Variants in FCHSD2 observed in about 807,000 individuals in gnomAD.
The protein encoded by FCHSD2 is F-BAR and double SH3 domains protein 2.
A neutral mutation model predicts 108.1 loss-of-function variants in FCHSD2; 38 were observed. That is an observed-to-expected ratio of 0.35 (90% CI 0.27 to 0.46). The LOEUF is 0.46. Among genes scored for constraint, FCHSD2 ranks in the 20% least tolerant of loss-of-function variants. The pLI is 1.00. For missense variants in FCHSD2, 751 were observed against 897.8 expected (o/e 0.84, Z 2.09); for synonymous variants, 279 against 314.7 (o/e 0.89, Z 1.20).
intron 2 of FCHSD2, among the ~76,000 whole-genome samples, chr11:73,132,194 C>T (rs1861019615): frequency 6.6e-6 from 1 of 152,198 alleles, no homozygotes; most frequent in South Asian, 2.1e-4. Context: ...AAACAATGTG[C>T]TTCTTATAAT....
At chr11:72,923,168 A>C (rs537917130) in intron 8 of FCHSD2, among the ~76,000 whole-genome samples, 13 of 152,292 alleles carry the variant, frequency 8.5e-5, no homozygotes, top group African/African-American at 3.1e-4. Context: ...TTGTTTATTA[A>C]TCAGGTGATA....
At chr11:73,088,590 T>C (rs1859880125) in intron 2 of FCHSD2, among the ~76,000 whole-genome samples, 1 of 152,116 alleles carries the variant, frequency 6.6e-6, no homozygotes, top group Non-Finnish European at 1.5e-5. Context: ...AAACATATAA[T>C]GTTTGAAAAA....
At chr11:72,969,328 T>C (rs1856968202) in intron 8 of FCHSD2, among the ~76,000 whole-genome samples, 1 of 152,260 alleles carries the variant, frequency 6.6e-6, no homozygotes, top group Non-Finnish European at 1.5e-5. Context: ...TTTAAGTTAT[T>C]TATATCAGGA....
At chr11:73,104,481 G>T (rs1360790308) in intron 2 of FCHSD2, among the ~76,000 whole-genome samples, 2 of 152,058 alleles carry the variant, frequency 1.3e-5, no homozygotes, top group Non-Finnish European at 2.9e-5. Flanking sequence ...TGTTGGCCAG[G>T]GTGGTCTCAA....
intron 4 of FCHSD2, among the ~76,000 whole-genome samples, chr11:73,004,550 A>AG (rs1191578435): frequency 6.6e-6 from 1 of 151,958 alleles, no homozygotes; most frequent in Non-Finnish European, 1.5e-5. Flanking sequence ...CTCCCTTTTC[A>AG]GTTCATTACC....
At chr11:72,849,720 A>T in intron 14 of FCHSD2, 35 bp downstream of exon 14, 1 of 1,528,914 alleles carries the variant, frequency 6.5e-7, no homozygotes, top group Non-Finnish European at 9.0e-7. Flanking sequence ...AGAGTTAATC[A>T]GAATTTAATA....
chr11:73,029,479 C>T (rs1352355664), intron 3 of FCHSD2, among the ~76,000 whole-genome samples: 1 of 152,186 alleles, frequency 6.6e-6, no homozygotes, highest in Non-Finnish European at 1.5e-5. Flanking sequence ...CCATCTTTAT[C>T]CCTGGCCCAT....
At chr11:73,047,812 A>G (rs1351421639) in intron 3 of FCHSD2, among the ~76,000 whole-genome samples, 1 of 152,240 alleles carries the variant, frequency 6.6e-6, no homozygotes, top group Admixed American at 6.5e-5. Context: ...GAATTTACTC[A>G]GTAAATATTT....
chr11:73,141,878 G>A lies in FCHSD2; in HGVS notation c.-1C>T, dbSNP rs1157098379. ...TTACCTTCCTCGGCGGCGGCTGCAT[G>A]ATGCTGAAGGGACATCAATCCTCCC... On this transcript the variant is annotated 5_prime_UTR_variant, in exon 1 of 20. Coordinates refer to ENST00000409418, the MANE Select transcript of FCHSD2 (RefSeq NM_014824.3). The A allele has an allele frequency of 5.2e-6, 8 of 1,545,530 alleles. No individual in the cohort carries two copies. Among genetic ancestry groups the A allele is most frequent in the Non-Finnish European group, 6.1e-6 (7 of 1,146,198 alleles).
At chr11:73,081,435 A>G (rs1475361997) in intron 3 of FCHSD2, among the ~76,000 whole-genome samples, 1 of 152,204 alleles carries the variant, frequency 6.6e-6, no homozygotes, top group African/African-American at 2.4e-5. Flanking sequence ...CTCCATCTCA[A>G]TTAAATAAAT....
intron 8 of FCHSD2, among the ~76,000 whole-genome samples, chr11:72,950,779 C>T: frequency 6.6e-6 from 1 of 152,146 alleles, no homozygotes. Context: ...TATTTAGAGG[C>T]AGCACAGGTA....
At chr11:73,094,217 A>C (rs1316058928) in intron 2 of FCHSD2, among the ~76,000 whole-genome samples, 1 of 152,068 alleles carries the variant, frequency 6.6e-6, no homozygotes, top group Non-Finnish European at 1.5e-5. Flanking sequence ...GTCTCCCTGC[A>C]CCAAAAAAAA....
chr11:73,052,867 G>C (rs1197098071), intron 3 of FCHSD2, among the ~76,000 whole-genome samples: 1 of 152,008 alleles, frequency 6.6e-6, no homozygotes, highest in African/African-American at 2.4e-5. Flanking sequence ...TTCTTTTTGA[G>C]ATGGAGTCTC....
rs1242908568 is a variant in FCHSD2, at chr11:73,015,801, T to C, written c.242+8A>G. 1.9e-6 allele frequency: 3 copies of C among 1,575,232 alleles called. No individual in the cohort carries two copies. Among genetic ancestry groups the C allele is most frequent in the East Asian group, 4.6e-5 (2 of 43,844 alleles). The stretch of plus-strand genomic sequence containing the variant: ...TCTAAAGAAAATAGGCAAAAACTAC[T>C]AATTTACCTGTAATCATTCCGATCA... On this transcript the variant is annotated splice_region_variant and intron_variant, in intron 4 of 19. Transcript: ENST00000409418.
At chr11:73,016,183 G>A (rs1857968678) in intron 3 of FCHSD2, among the ~76,000 whole-genome samples, 1 of 151,720 alleles carries the variant, frequency 6.6e-6, no homozygotes, top group Non-Finnish European at 1.5e-5. Flanking sequence ...TGCGCCTGTA[G>A]TCCCAGCTAC....
intron 11 of FCHSD2, among the ~76,000 whole-genome samples, chr11:72,888,563 A>G (rs947781731): frequency 2.6e-5 from 4 of 152,134 alleles, no homozygotes; most frequent in Admixed American, 2.6e-4. Flanking sequence ...CTATACTCCA[A>G]ATAATTTCTT....
At chr11:73,054,505 A>C (rs1424316581) in intron 3 of FCHSD2, among the ~76,000 whole-genome samples, 1 of 152,154 alleles carries the variant, frequency 6.6e-6, no homozygotes, top group Non-Finnish European at 1.5e-5. Flanking sequence ...TTTGGATTTA[A>C]AAAGAATCGA....
intron 8 of FCHSD2, among the ~76,000 whole-genome samples, chr11:72,963,220 A>C (rs1250682275): frequency 6.6e-6 from 1 of 152,182 alleles, no homozygotes; most frequent in Non-Finnish European, 1.5e-5. Context: ...ACCCTCAATA[A>C]AAATTTTAAA....
At chr11:72,931,421 T>A (rs866771674) in intron 8 of FCHSD2, among the ~76,000 whole-genome samples, 2 of 149,028 alleles carry the variant, frequency 1.3e-5, no homozygotes, top group Non-Finnish European at 3.0e-5. Context: ...ATTTTTTTTT[T>A]AAATAAAATA....
Sources: gnomAD v4.1 joint callset for allele counts (sites outside exome capture counted in the v4.1 genomes callset) on GRCh38, gnomAD v4.1.1 for gene constraint, MANE v1.5 for transcripts, NCBI Gene and HGNC (gene_info 2026-07-23, HGNC 2026-07-21) for gene names.